The following ACTR3C variants were observed in gnomAD, a reference collection of about 807,000 sequenced individuals.
The protein encoded by ACTR3C is actin-related protein 3C.
ACTR3C carries 18 observed loss-of-function variants against 26.3 expected under a neutral mutation model. The ratio of observed to expected loss-of-function variants is 0.68; its 90% confidence interval spans 0.47 to 1.01. ACTR3C has a LOEUF of 1.01. ACTR3C is among the 50% of genes least tolerant of loss of function. The probability of loss-of-function intolerance (pLI) is 0.00; values close to 1 mark genes in which losing one functional copy is unlikely to be tolerated. For missense variants in ACTR3C, 184 were observed against 250.7 expected (o/e 0.73, Z 1.80); for synonymous variants, 55 against 94.5 (o/e 0.58, Z 2.42).
the ACTR3C span, among the ~76,000 whole-genome samples, chr7:149,991,593 T>A: frequency 6.6e-6 from 1 of 152,208 alleles, no homozygotes; most frequent in Non-Finnish European, 1.5e-5. Flanking sequence ...CTCTCCTCAT[T>A]AATGATGTCA....
At chr7:149,989,587 A>G in the ACTR3C span, among the ~76,000 whole-genome samples, 48 of 152,340 alleles carry the variant, frequency 3.2e-4, 1 homozygote, top group Admixed American at 2.0e-3. Flanking sequence ...AGGTTCATTC[A>G]TGTTGTCACA....
the ACTR3C span, among the ~76,000 whole-genome samples, chr7:150,139,169 C>A: frequency 6.6e-6 from 1 of 152,260 alleles, no homozygotes; most frequent in Non-Finnish European, 1.5e-5. Flanking sequence ...AATTGTCTTC[C>A]ATGAAACCAG....
chr7:150,083,702 C>A, the ACTR3C span, among the ~76,000 whole-genome samples: 1 of 152,244 alleles, frequency 6.6e-6, no homozygotes, highest in African/African-American at 2.4e-5. Context: ...CTCTTGGCTT[C>A]ACATCCTCCA....
chr7:150,041,724 C>A, the ACTR3C span, among the ~76,000 whole-genome samples: 2 of 137,828 alleles, frequency 1.5e-5, no homozygotes, highest in African/African-American at 5.7e-5. Flanking sequence ...GTGCCTCCCC[C>A]TCCTGCGATG....
chr7:149,916,021 A>T, the ACTR3C span, among the ~76,000 whole-genome samples: 1 of 147,506 alleles, frequency 6.8e-6, no homozygotes, highest in African/African-American at 2.5e-5. Context: ...GTATATATTT[A>T]TAATGTGAGG....
the ACTR3C span, among the ~76,000 whole-genome samples, chr7:149,885,619 G>C: frequency 1.3e-5 from 2 of 152,254 alleles, no homozygotes; most frequent in Admixed American, 6.5e-5. Flanking sequence ...GGCCATGATA[G>C]CAGCAAGGGT....
chr7:149,887,764 T>C, the ACTR3C span, among the ~76,000 whole-genome samples: 1 of 149,582 alleles, frequency 6.7e-6, no homozygotes, highest in African/African-American at 2.5e-5. Flanking sequence ...CTCCCAGAAT[T>C]CCCCTGTGTT....
the ACTR3C span, among the ~76,000 whole-genome samples, chr7:150,147,062 GT>G: frequency 2.0e-5 from 3 of 152,278 alleles, no homozygotes; most frequent in South Asian, 6.2e-4. Context: ...CTCTTGTAAT[GT>G]TGAGGCTTGT....
chr7:150,218,991 A>C, the ACTR3C span, among the ~76,000 whole-genome samples: 5 of 152,124 alleles, frequency 3.3e-5, no homozygotes, highest in Non-Finnish European at 4.4e-5. Context: ...CAGAGAAATG[A>C]CTTGCTGATT....
At chr7:150,094,674 C>T in the ACTR3C span, among the ~76,000 whole-genome samples, 1 of 150,534 alleles carries the variant, frequency 6.6e-6, no homozygotes, top group African/African-American at 2.5e-5. Context: ...CTCACCAAGA[C>T]TCCAGAAGCT....
At chr7:150,237,531 C>T in the ACTR3C span, among the ~76,000 whole-genome samples, 1 of 152,100 alleles carries the variant, frequency 6.6e-6, no homozygotes. Context: ...TGACTAACAG[C>T]ACACCCTGTA....
At chr7:150,221,451 C>T in the ACTR3C span, among the ~76,000 whole-genome samples, 1 of 152,144 alleles carries the variant, frequency 6.6e-6, no homozygotes, top group African/African-American at 2.4e-5. Context: ...TCTAGGATCA[C>T]AAGTCTGAAC....
At chr7:150,167,723 A>AT in the ACTR3C span, among the ~76,000 whole-genome samples, 15 of 150,660 alleles carry the variant, frequency 1.0e-4, no homozygotes, top group East Asian at 2.9e-3. Context: ...TGGTGTGTGC[A>AT]TGGAGGCGGT....
At chr7:150,304,258 G>A (rs1795641632) in intron 1 of ACTR3C, among the ~76,000 whole-genome samples, 1 of 151,924 alleles carries the variant, frequency 6.6e-6, no homozygotes, top group South Asian at 2.1e-4. Context: ...CAAGAATTCA[G>A]GAAGGAAACT....
the ACTR3C span, among the ~76,000 whole-genome samples, chr7:150,116,976 A>G: frequency 6.6e-6 from 1 of 152,018 alleles, no homozygotes; most frequent in Admixed American, 6.5e-5. Context: ...AGGAAGCACA[A>G]GGGGTCACGG....
the ACTR3C span, among the ~76,000 whole-genome samples, chr7:150,194,178 C>T: frequency 2.7e-5 from 4 of 148,768 alleles, no homozygotes; most frequent in Non-Finnish European, 6.0e-5. Flanking sequence ...TGGAGAAATT[C>T]CTCCTTTATC....
the ACTR3C span, among the ~76,000 whole-genome samples, chr7:150,128,029 C>A: frequency 1.4e-5 from 2 of 140,322 alleles, no homozygotes; most frequent in Admixed American, 7.3e-5. Context: ...TCAGAGATAA[C>A]AAATTACCTG....
chr7:150,222,874 AC>A, the ACTR3C span, among the ~76,000 whole-genome samples: 7 of 152,330 alleles, frequency 4.6e-5, no homozygotes, highest in East Asian at 1.2e-3. Flanking sequence ...CTTCCATGGC[AC>A]GAATAGTTTT....
At chr7:150,078,204 T>C in the ACTR3C span, among the ~76,000 whole-genome samples, 1 of 151,890 alleles carries the variant, frequency 6.6e-6, no homozygotes, top group African/African-American at 2.4e-5. Flanking sequence ...CATTCTCCAG[T>C]TTCTTCCCCT....
Sources: allele counts gnomAD v4.1 joint callset (sites outside exome capture counted in the v4.1 genomes callset), GRCh38; gene constraint gnomAD v4.1.1; transcripts MANE v1.5; gene names NCBI Gene and HGNC (gene_info 2026-07-23, HGNC 2026-07-21).